Variants in METTL22 observed in about 807,000 individuals in gnomAD.
METTL22 encodes methyltransferase 22, Kin17 lysine.
A neutral mutation model predicts 48.4 loss-of-function variants in METTL22; 51 were observed. That is an observed-to-expected ratio of 1.05 (90% CI 0.84 to 1.33). The LOEUF (loss-of-function observed/expected upper bound fraction) is 1.33, where lower values mean the gene tolerates loss of function less well. Ranked by LOEUF, METTL22 falls within the 40% of genes most tolerant of loss-of-function variation. The pLI, the probability that METTL22 is intolerant of heterozygous loss-of-function variation, is 0.00. For synonymous variants in METTL22, 255 were observed against 214.1 expected, an observed-to-expected ratio of 1.19 and a Z score of -1.67; for missense variants, 678 against 526.9, an observed-to-expected ratio of 1.29 and a Z score of -2.81.
chr16:8,652,932 T>A (rs918529530), downstream of METTL22, among the ~76,000 whole-genome samples: 1 of 152,190 alleles, frequency 6.6e-6, no homozygotes, highest in Admixed American at 6.5e-5. Flanking sequence ...AACGGGATGA[T>A]GATGCTGTGT....
Position 8,636,773 on chromosome 16 carries a change from A to G in METTL22, c.700+1461A>G, listed in dbSNP as rs189073991. ...TACATTGCAATGAACATCTTTGTGTATCGTTGTCTAATAACGTGTCACTAG... is the reference window on the plus strand; with the variant it reads ...TACATTGCAATGAACATCTTTGTGTGTCGTTGTCTAATAACGTGTCACTAG... On this transcript the variant is annotated intron_variant, in intron 5 of 10. Transcript: ENST00000381920. Among the ~76,000 whole-genome samples the G allele has an allele frequency of 1.4e-3, 217 of 152,256 alleles. 1 individual carries two copies. The highest frequency in any genetic ancestry group is 4.3e-3 in the African/African-American group (178 of 41,560).
intron 5 of METTL22, among the ~76,000 whole-genome samples, chr16:8,638,002 C>G (rs887143506): frequency 7.2e-6 from 1 of 138,004 alleles, no homozygotes; most frequent in East Asian, 2.1e-4. Flanking sequence ...AAAAAATTAG[C>G]CAGGCATGGT....
At chr16:8,663,290 C>A in the METTL22 span, among the ~76,000 whole-genome samples, 11 of 150,084 alleles carry the variant, frequency 7.3e-5, no homozygotes, top group South Asian at 2.4e-3. Context: ...TTTCTATTAA[C>A]TGTGTGTCTT....
At chr16:8,650,419 G>T (rs111483391), downstream of METTL22, among the ~76,000 whole-genome samples, 17 of 152,360 alleles carry the variant, frequency 1.1e-4, 2 homozygotes, top group African/African-American at 3.8e-4. Flanking sequence ...TTGGACAAAT[G>T]ACCTAGCCTC....
downstream of METTL22, among the ~76,000 whole-genome samples, chr16:8,651,218 TC>T (rs1309917915): frequency 6.6e-6 from 1 of 151,378 alleles, no homozygotes; most frequent in Non-Finnish European, 1.5e-5. Flanking sequence ...AAACCCCGTC[TC>T]TACTAAAAAT....
At position 8,645,913 on chromosome 16, in the gene METTL22, C is replaced by G. The variant is rs1188452833; in HGVS notation, c.1180-195C>G. On this transcript the variant is annotated intron_variant, in intron 10 of 10. Transcript: ENST00000381920. ...CTGGGACTTCATCCATCCAGCCTCTCTGCCACAGTAAAATAGAACAGCCCA... is the reference window on the plus strand; with the variant it reads ...CTGGGACTTCATCCATCCAGCCTCTGTGCCACAGTAAAATAGAACAGCCCA... The G allele has an allele frequency of 1.7e-5, 16 of 948,084 alleles. No individual in the cohort carries two copies. In the Admixed American group the frequency reaches 1.4e-3, roughly 83 times the overall value. The allele number at this position is 948,084 out of a possible 1,614,324, so 58.7% of individuals were successfully genotyped here.
intron 3 of METTL22, among the ~76,000 whole-genome samples, chr16:8,630,224 C>T (rs940951598): frequency 8.5e-5 from 13 of 152,176 alleles, no homozygotes; most frequent in African/African-American, 2.9e-4. Flanking sequence ...AGCGCCTCCA[C>T]GGTGGTACCA....
intron 8 of METTL22, 92 bp downstream of exon 8, chr16:8,642,299 A>G: frequency 7.6e-7 from 1 of 1,310,032 alleles, no homozygotes; most frequent in South Asian, 1.2e-5. Context: ...GTTCAGTTTT[A>G]GAAGTGACTT....
the METTL22 span, among the ~76,000 whole-genome samples, chr16:8,659,305 T>C: frequency 2.0e-5 from 3 of 149,046 alleles, no homozygotes; most frequent in Non-Finnish European, 4.4e-5. Context: ...TACTCTAGCC[T>C]GGGCAACAGA....
Position 8,625,621 on chromosome 16 carries a change from A to T in METTL22, c.-45A>T, listed in dbSNP as rs1301667770. 1 of 1,608,486 alleles carries T rather than the reference A, an allele frequency of 6.2e-7. No homozygotes were observed. Among genetic ancestry groups the T allele is most frequent in the Non-Finnish European group, 8.5e-7 (1 of 1,177,100 alleles). On this transcript the variant is annotated 5_prime_UTR_variant, in exon 2 of 11. Transcript: ENST00000381920. ...CCTGCCATGCTGAGGACCCATTCTC[A>T]CCTCTGAGGGACTCCTGTCCTAGGA... is the stretch of plus-strand genomic sequence containing the variant.
At chr16:8,622,824 T>A (rs774881097) in intron 1 of METTL22, among the ~76,000 whole-genome samples, 10 of 152,188 alleles carry the variant, frequency 6.6e-5, no homozygotes, top group Non-Finnish European at 1.3e-4. Flanking sequence ...ATCTCCTTCA[T>A]CTGGAACTTA....
At chr16:8,666,602 T>A in the METTL22 span, among the ~76,000 whole-genome samples, 1 of 152,242 alleles carries the variant, frequency 6.6e-6, no homozygotes, top group Non-Finnish European at 1.5e-5. Context: ...GCAGACATTA[T>A]GATCATCATC....
intron 6 of METTL22, 89 bp downstream of exon 6, chr16:8,639,251 G>A (rs2056518815): frequency 7.6e-7 from 1 of 1,311,460 alleles, no homozygotes; most frequent in Non-Finnish European, 1.1e-6. Context: ...TTGGGAGGCA[G>A]GGCTCCGTCT....
At chr16:8,630,444 T>G (rs976050802) in intron 3 of METTL22, among the ~76,000 whole-genome samples, 3 of 152,130 alleles carry the variant, frequency 2.0e-5, no homozygotes, top group African/African-American at 7.2e-5. Context: ...CTGAGACTTG[T>G]ACCTAGGTCT....
intron 3 of METTL22, among the ~76,000 whole-genome samples, chr16:8,634,368 T>C (rs951025745): frequency 6.6e-6 from 1 of 152,206 alleles, no homozygotes; most frequent in East Asian, 1.9e-4. Flanking sequence ...AAGTTCTTAC[T>C]TAACAACAAA....
At chr16:8,634,690 CTT>C (rs1404506386) in intron 3 of METTL22, among the ~76,000 whole-genome samples, 1 of 152,128 alleles carries the variant, frequency 6.6e-6, no homozygotes, top group African/African-American at 2.4e-5. Context: ...ATGATTGTAA[CTT>C]TGCAATTATT....
At chr16:8,650,989 C>G (rs1424691210), downstream of METTL22, among the ~76,000 whole-genome samples, 2 of 151,994 alleles carry the variant, frequency 1.3e-5, no homozygotes, top group Admixed American at 1.3e-4. Context: ...CCATTGCACT[C>G]CAGCCTGGGT....
At position 8,628,880 on chromosome 16, in the gene METTL22, A is replaced by G. The variant is rs1177572758; in HGVS notation, c.284A>G (p.Asn95Ser). Residue 95 changes from asparagine (N) to serine (S), a missense_variant, in exon 3 of 11, where the codon AAT (asparagine) becomes AGT (serine). Transcript: ENST00000381920. Reference sequence around the variant, plus strand: ...TCCCCTCCAGGAAGTGGCCATGGTAATGAGGGTTTCTCCCTCCAGGCCGGG... The same window carrying G: ...TCCCCTCCAGGAAGTGGCCATGGTAGTGAGGGTTTCTCCCTCCAGGCCGGG... ...TGSPPGSGHG[N>S]EGFSLQAGTD... 3 of 1,613,842 alleles carry G rather than the reference A, an allele frequency of 1.9e-6. No homozygotes were observed. The highest frequency in any genetic ancestry group is 2.2e-5 in the East Asian group (1 of 44,818).
At chr16:8,627,367 G>C (rs961929538) in intron 2 of METTL22, among the ~76,000 whole-genome samples, 1 of 152,032 alleles carries the variant, frequency 6.6e-6, no homozygotes, top group African/African-American at 2.4e-5. Context: ...CTCAAACACA[G>C]GGAGGGGAGA....
Sources: allele counts gnomAD v4.1 joint callset (sites outside exome capture counted in the v4.1 genomes callset), GRCh38; gene constraint gnomAD v4.1.1; transcripts MANE v1.5; gene names NCBI Gene and HGNC (gene_info 2026-07-23, HGNC 2026-07-21).